The following ELF2 variants were observed in gnomAD, a reference collection of about 807,000 sequenced individuals.
ELF2 encodes E74 like ETS transcription factor 2.
ELF2 carries 11 observed loss-of-function variants against 54.8 expected under a neutral mutation model. That is an observed-to-expected ratio of 0.20 (90% CI 0.13 to 0.33). The LOEUF (loss-of-function observed/expected upper bound fraction) is 0.33. Ranked by LOEUF, ELF2 falls within the 10% of genes least tolerant of loss-of-function variation. The probability of loss-of-function intolerance (pLI) is 1.00; values close to 1 mark genes in which losing one functional copy is unlikely to be tolerated. For missense variants in ELF2, 513 were observed against 703.0 expected (o/e 0.73, Z 3.06); for synonymous variants, 203 against 245.1 (o/e 0.83, Z 1.61).
intron 3 of ELF2, among the ~76,000 whole-genome samples, chr4:139,135,279 G>GTGTA (rs373283677): frequency 0.072 from 9,727 of 135,484 alleles, 371 homozygotes; most frequent in South Asian, 0.11. Flanking sequence ...GTGTGTGTGT[G>GTGTA]TATATATGAA....
chr4:139,059,568 T>C lies in ELF2; in HGVS notation c.1197A>G (p.Thr399=). The part of the protein sequence containing the change: ...RVAMQVPVVM[T]SLGQKISTVA... ...CAGTTGAAATTTTCTGACCCAATGA[T>C]GTCATTACAACAGGTACCTGCATTG... Residue 399 remains threonine (T), a synonymous_variant, in exon 10 of 10, where the codon ACA becomes ACG. Coordinates refer to ENST00000686138, the MANE Select transcript of ELF2 (RefSeq NM_001331036.3). 6.2e-7 allele frequency: 1 copy of C among 1,613,230 alleles called. No homozygotes were observed.
At chr4:139,169,667 C>T (rs1294766217) in intron 1 of ELF2, among the ~76,000 whole-genome samples, 2 of 152,046 alleles carry the variant, frequency 1.3e-5, no homozygotes, top group African/African-American at 4.8e-5. Context: ...ACCATCCTGG[C>T]TAACACGGTG....
intron 1 of ELF2, among the ~76,000 whole-genome samples, chr4:139,163,743 G>A (rs551025193): frequency 5.9e-5 from 9 of 151,950 alleles, no homozygotes; most frequent in Non-Finnish European, 4.4e-5. Context: ...ATGAAACCCC[G>A]TCTCTACAAA....
chr4:139,060,610 C>A lies in ELF2; in HGVS notation c.871G>T (p.Asp291Tyr). 6.2e-7 allele frequency: 1 copy of A among 1,613,386 alleles called. No homozygotes were observed. The highest frequency in any genetic ancestry group is 1.7e-4 in the Middle Eastern group (1 of 5,760). Residue 291 changes from aspartate (D) to tyrosine (Y), a missense_variant, in exon 9 of 10, where the codon GAT becomes TAT. Transcript: ENST00000686138. ...EGQRLVYQFKDMPKNIVVIDD... is the reference protein window; with the variant it reads ...EGQRLVYQFKYMPKNIVVIDD... ...ATGACCACTATGTTTTTCGGCATATCCTTGAACTGATATACAAGCCTCTGT... is the reference window on the plus strand; with the variant it reads ...ATGACCACTATGTTTTTCGGCATATACTTGAACTGATATACAAGCCTCTGT...
Position 139,137,887 on chromosome 4 carries a change from G to C in ELF2, c.-166-20C>G. On this transcript the variant is annotated intron_variant, in intron 2 of 9. Transcript: ENST00000686138. ...GAAAGCCTAAAAAGAGGAAGAATTT[G>C]AAAAGTTATTTTAAAAATTACAGGA... 7.8e-7 allele frequency: 1 copy of C among 1,289,992 alleles called. No individual in the cohort carries two copies. Among genetic ancestry groups the C allele is most frequent in the Non-Finnish European group, 9.8e-7 (1 of 1,016,146 alleles). 79.9% of individuals were successfully genotyped at this position (1,289,992 alleles called of 1,614,324 possible).
intron 1 of ELF2, among the ~76,000 whole-genome samples, chr4:139,139,923 T>C (rs1666528083): frequency 6.6e-6 from 1 of 151,814 alleles, no homozygotes; most frequent in Admixed American, 6.6e-5. Context: ...TATAAAACAA[T>C]GTTTAAGGAA....
Position 139,078,820 on chromosome 4 carries a change from G to A in ELF2, c.239-5253C>T, listed in dbSNP as rs534047649. ...TTACACTCAAAATACTGAAGACCTC[G>A]AGATTTTATCTGTATTTATCATATT... On this transcript the variant is annotated intron_variant, in intron 4 of 9. Coordinates refer to ENST00000686138, the MANE Select transcript of ELF2 (RefSeq NM_001331036.3). Among the ~76,000 whole-genome samples, 31 of 151,988 alleles carry A rather than the reference G, an allele frequency of 2.0e-4. No homozygotes were observed. In the South Asian group the frequency reaches 5.6e-3, roughly 28 times the overall value.
At chr4:139,078,783 C>G (rs1730676587) in intron 4 of ELF2, among the ~76,000 whole-genome samples, 1 of 152,054 alleles carries the variant, frequency 6.6e-6, no homozygotes, top group Non-Finnish European at 1.5e-5. Context: ...CCTTTTTTAT[C>G]TGAGGACACT....
intron 4 of ELF2, among the ~76,000 whole-genome samples, chr4:139,122,912 C>T (rs367859961): frequency 2.0e-5 from 3 of 151,610 alleles, no homozygotes; most frequent in Admixed American, 6.6e-5. Context: ...AGGCTGGGCA[C>T]GCTGGCTTGT....
At chr4:139,146,626 A>G (rs1218285904) in intron 1 of ELF2, among the ~76,000 whole-genome samples, 2 of 152,228 alleles carry the variant, frequency 1.3e-5, no homozygotes. Flanking sequence ...ACTTCAAATT[A>G]TACCAGGCTA....
At chr4:139,152,476 C>T (rs1205181106) in intron 1 of ELF2, among the ~76,000 whole-genome samples, 1 of 151,994 alleles carries the variant, frequency 6.6e-6, no homozygotes, top group Non-Finnish European at 1.5e-5. Flanking sequence ...GGACCACAGG[C>T]ATACACCACC....
In ELF2 at chr4:139,114,561, T is replaced by TCACACACACACACA. The variant is rs776035411; in HGVS notation, c.238+10589_238+10602dup. On this transcript the variant is annotated intron_variant, in intron 4 of 9. Coordinates refer to ENST00000686138, the MANE Select transcript of ELF2 (RefSeq NM_001331036.3). ...CTGGCAACAGAGCGAGACTTCAGTC[T>TCACACACACACACA]CACACACACACACACACACACACAC... Among the ~76,000 whole-genome samples, 579 of 108,622 alleles carry TCACACACACACACA rather than the reference T, an allele frequency of 5.3e-3. 5 individuals carry two copies. The highest frequency in any genetic ancestry group is 0.016 in the African/African-American group (458 of 28,164). 71.3% of individuals were successfully genotyped at this position (108,622 alleles called of 152,430 possible).
At chr4:139,063,997 G>A (rs1392704364) in intron 7 of ELF2, among the ~76,000 whole-genome samples, 1 of 152,176 alleles carries the variant, frequency 6.6e-6, no homozygotes, top group Non-Finnish European at 1.5e-5. Context: ...ACCTCTAGGT[G>A]CCAAGGTTCT....
At chr4:139,086,073 C>T (rs1299058963) in intron 4 of ELF2, among the ~76,000 whole-genome samples, 1 of 151,934 alleles carries the variant, frequency 6.6e-6, no homozygotes, top group East Asian at 1.9e-4. Context: ...AAGTTAAATC[C>T]ATTTTACTAC....
chr4:139,132,073 T>A (rs1329367873), intron 3 of ELF2, among the ~76,000 whole-genome samples: 2 of 152,130 alleles, frequency 1.3e-5, no homozygotes, highest in Non-Finnish European at 2.9e-5. Context: ...GAAAGAGAGG[T>A]GAGCAGACAA....
chr4:139,172,379 A>C (rs1742395336), intron 1 of ELF2, among the ~76,000 whole-genome samples: 1 of 152,240 alleles, frequency 6.6e-6, no homozygotes, highest in Non-Finnish European at 1.5e-5. Flanking sequence ...TCTGAGCAGC[A>C]TGATGAAACC....
chr4:139,060,881 G>A (rs998173820), intron 8 of ELF2, among the ~76,000 whole-genome samples: 4 of 152,096 alleles, frequency 2.6e-5, no homozygotes, highest in Non-Finnish European at 5.9e-5. Context: ...CTGGGGCCAA[G>A]GTCCTACAAA....
Position 139,075,786 on chromosome 4 carries a change from C to G in ELF2, c.239-2219G>C, listed in dbSNP as rs555686278. ...CCCACTGACCTTACAAGAAAATCAG[C>G]AATTCAAGAACAAATTTTATTATCT... On this transcript the variant is annotated intron_variant, in intron 4 of 9. Coordinates refer to ENST00000686138, the MANE Select transcript of ELF2 (RefSeq NM_001331036.3). 4.7e-4 allele frequency among the ~76,000 whole-genome samples: 71 copies of G among 152,238 alleles called. 2 individuals are homozygous for G. In the Middle Eastern group the frequency reaches 0.02, roughly 44 times the overall value.
In ELF2 at chr4:139,060,496, T is replaced by C. The variant is rs761322636; in HGVS notation, c.985A>G (p.Ser329Gly). ...ACAGAGGATGCTGCTTTCAGGAGAC[T>C]TTCTGCAGACAGTGACACTCGTTCT... The part of the protein sequence containing the change: ...SLERVSLSAE[S>G]LLKAASSVRS... The change falls in exon 9 of 10, where the codon AGT becomes GGT. Residue 329 changes from serine to glycine, a missense_variant. Around this residue, in one of 3 missense-constraint regions of ELF2, gnomAD observed 291 missense variants for 366.1 expected, o/e 0.79. Transcript: ENST00000686138. 2.5e-6 allele frequency: 4 copies of C among 1,614,132 alleles called. No individual in the cohort carries two copies. The African/African-American group carries it at 4.0e-5, about 16-fold the overall frequency.
Sources: gnomAD v4.1 joint callset for allele counts (sites outside exome capture counted in the v4.1 genomes callset) on GRCh38, gnomAD v4.1.1 for gene constraint, gnomAD v4.1.1 regional missense constraint, MANE v1.5 for transcripts, NCBI Gene and HGNC (gene_info 2026-07-23, HGNC 2026-07-21) for gene names.